The following SCFD2 variants were observed in gnomAD, a reference collection of about 807,000 sequenced individuals.
SCFD2 encodes sec1 family domain containing 2.
Under a neutral mutation model 58.9 loss-of-function variants are expected in SCFD2, and 54 were observed. The observed-to-expected ratio is 0.92, with a 90% CI of 0.74 to 1.15. The LOEUF is 1.15. Among genes scored for constraint, SCFD2 ranks in the 50% most tolerant of loss-of-function variants. The pLI, the probability that SCFD2 is intolerant of heterozygous loss-of-function variation, is 0.00. For synonymous variants in SCFD2, 321 were observed against 335.9 expected (o/e 0.96, Z 0.49); for missense variants, 805 against 836.6 (o/e 0.96, Z 0.47).
chr4:53,180,827 A>G (rs548033848), intron 4 of SCFD2, among the ~76,000 whole-genome samples: 1 of 152,346 alleles, frequency 6.6e-6, no homozygotes, highest in Admixed American at 6.5e-5. Context: ...GGATATCACC[A>G]CCAATCCCAC....
intron 7 of SCFD2, among the ~76,000 whole-genome samples, chr4:52,899,781 G>T (rs1719134040): frequency 6.6e-6 from 1 of 152,182 alleles, no homozygotes; most frequent in Non-Finnish European, 1.5e-5. Flanking sequence ...TCACTTTCAG[G>T]TACATCAGTT....
chr4:52,974,878 C>A (rs1356910150), intron 5 of SCFD2, among the ~76,000 whole-genome samples: 1 of 152,086 alleles, frequency 6.6e-6, no homozygotes, highest in Admixed American at 6.5e-5. Flanking sequence ...TATCTACAAC[C>A]ATCTGATCTT....
chr4:52,883,828 A>T (rs189611969), intron 8 of SCFD2, among the ~76,000 whole-genome samples: 2 of 152,274 alleles, frequency 1.3e-5, no homozygotes, highest in East Asian at 3.9e-4. Context: ...ATTTATCAGA[A>T]ATCTCATCAG....
chr4:53,087,837 C>A (rs907076274), intron 5 of SCFD2, among the ~76,000 whole-genome samples: 5 of 151,092 alleles, frequency 3.3e-5, no homozygotes, highest in African/African-American at 4.9e-5. Flanking sequence ...ATTTTTGTAT[C>A]TTTAATAGAG....
At chr4:53,230,978 C>T (rs1055838245) in intron 4 of SCFD2, among the ~76,000 whole-genome samples, 3 of 151,946 alleles carry the variant, frequency 2.0e-5, no homozygotes, top group African/African-American at 7.2e-5. Context: ...GAAGTGAAAG[C>T]ACAAATAAAT....
intron 5 of SCFD2, among the ~76,000 whole-genome samples, chr4:53,015,523 A>G (rs1722190116): frequency 6.6e-6 from 1 of 152,210 alleles, no homozygotes; most frequent in Non-Finnish European, 1.5e-5. Context: ...AAAATCTCTC[A>G]AACGCACGTT....
chr4:53,114,037 C>G (rs1336917456), intron 5 of SCFD2, among the ~76,000 whole-genome samples: 1 of 152,016 alleles, frequency 6.6e-6, no homozygotes, highest in African/African-American at 2.4e-5. Context: ...GGATTTGAAT[C>G]CTGGCTCCAC....
intron 1 of SCFD2, among the ~76,000 whole-genome samples, chr4:53,353,685 A>G (rs10024702): frequency 0.11 from 16,924 of 152,022 alleles, 1,716 homozygotes; most frequent in South Asian, 0.28. Flanking sequence ...ACAATCCTTT[A>G]GCTAGACACG....
chr4:53,296,317 T>C (rs1577941367), intron 3 of SCFD2, among the ~76,000 whole-genome samples: 1 of 152,096 alleles, frequency 6.6e-6, no homozygotes, highest in Non-Finnish European at 1.5e-5. Context: ...ATTTCAGAAC[T>C]TGTTATCGGT....
At chr4:53,244,417 G>A (rs1729997951) in intron 4 of SCFD2, among the ~76,000 whole-genome samples, 1 of 151,998 alleles carries the variant, frequency 6.6e-6, no homozygotes, top group South Asian at 2.1e-4. Flanking sequence ...TATAATAAAA[G>A]TAGAATTCAA....
intron 2 of SCFD2, among the ~76,000 whole-genome samples, chr4:53,321,775 T>C (rs1733033567): frequency 6.6e-6 from 1 of 152,210 alleles, no homozygotes; most frequent in African/African-American, 2.4e-5. Flanking sequence ...AATGTACCAA[T>C]TAATCTTCAT....
intron 5 of SCFD2, among the ~76,000 whole-genome samples, chr4:53,040,976 GAAAGAA>G (rs1000201981): frequency 6.6e-6 from 1 of 151,996 alleles, no homozygotes; most frequent in African/African-American, 2.4e-5. Flanking sequence ...CTTATTTGGT[GAAAGAA>G]AAAGAAAAAG....
intron 3 of SCFD2, among the ~76,000 whole-genome samples, chr4:53,303,103 A>G (rs748309891): frequency 3.3e-5 from 5 of 152,150 alleles, no homozygotes; most frequent in Non-Finnish European, 7.4e-5. Context: ...AGACAAATGG[A>G]ATCTACTTAA....
chr4:53,343,273 C>A (rs1004534853), intron 2 of SCFD2, among the ~76,000 whole-genome samples: 2 of 152,076 alleles, frequency 1.3e-5, no homozygotes, highest in Admixed American at 6.6e-5. Context: ...AAGGGGTTAT[C>A]ACCACCAATC....
intron 3 of SCFD2, among the ~76,000 whole-genome samples, chr4:53,279,572 A>G (rs1369517024): frequency 2.6e-5 from 4 of 152,248 alleles, no homozygotes; most frequent in Non-Finnish European, 4.4e-5. Context: ...TTTAGAAAAC[A>G]AAAGGATTTA....
At chr4:53,338,730 G>A (rs6839876) in intron 2 of SCFD2, among the ~76,000 whole-genome samples, 106,410 of 150,654 alleles carry the variant, frequency 0.71, 37,765 homozygotes, top group Middle Eastern at 0.79. Flanking sequence ...ACAGGCACCC[G>A]CCACTACGCC....
chr4:53,118,899 G>C (rs1177855849), intron 5 of SCFD2, among the ~76,000 whole-genome samples: 1 of 152,034 alleles, frequency 6.6e-6, no homozygotes, highest in African/African-American at 2.4e-5. Context: ...TCACATGGGG[G>C]AACAAAAGCC....
intron 7 of SCFD2, among the ~76,000 whole-genome samples, chr4:52,896,856 C>T (rs935637871): frequency 6.6e-6 from 1 of 152,126 alleles, no homozygotes; most frequent in African/African-American, 2.4e-5. Context: ...GTTTGTAGTT[C>T]TCCTTGAAGA....
At chr4:52,934,749 A>G (rs1378654297) in intron 5 of SCFD2, among the ~76,000 whole-genome samples, 1 of 152,268 alleles carries the variant, frequency 6.6e-6, no homozygotes, top group African/African-American at 2.4e-5. Flanking sequence ...ATAAGTTCCA[A>G]GGAAGTTCAT....
Sources: gnomAD v4.1 joint callset for allele counts (sites outside exome capture counted in the v4.1 genomes callset) on GRCh38, gnomAD v4.1.1 for gene constraint, MANE v1.5 for transcripts, NCBI Gene and HGNC (gene_info 2026-07-23, HGNC 2026-07-21) for gene names.